The following CAP2 variants were observed in gnomAD, a reference collection of about 807,000 sequenced individuals.
CAP2 encodes the protein adenylyl cyclase-associated protein 2.
Under a neutral mutation model 57.7 loss-of-function variants are expected in CAP2, and 24 were observed. The ratio of observed to expected loss-of-function variants is 0.42; its 90% CI spans 0.30 to 0.58. CAP2 has a LOEUF of 0.58. Ranked by LOEUF, CAP2 falls within the 20% of genes least tolerant of loss-of-function variation. CAP2 has a pLI of 0.22. For synonymous variants in CAP2, 194 were observed against 207.2 expected (o/e 0.94, Z 0.55); for missense variants, 501 against 590.3 (o/e 0.85, Z 1.57).
At position 17,507,592 on chromosome 6, in the gene CAP2, T is replaced by G. The variant is rs772446004; in HGVS notation, c.445-49T>G. On this transcript the variant is annotated intron_variant, in intron 5 of 12. Transcript: ENST00000229922. ...CTTCTTTAAGGCATTTTCTTTCTTATCCTATTTTTTTTTCCTTCTATGCTT... is the reference window on the plus strand; with the variant it reads ...CTTCTTTAAGGCATTTTCTTTCTTAGCCTATTTTTTTTTCCTTCTATGCTT... 5 of 1,114,466 alleles carry G rather than the reference T, an allele frequency of 4.5e-6. No homozygotes were observed. In the Admixed American group the frequency reaches 8.9e-5, roughly 20 times the overall value. The allele number at this position is 1,114,466 out of a possible 1,614,324, so 69.0% of individuals were successfully genotyped here. A position where few individuals can be genotyped will look rare whatever the true frequency, so the allele number is the denominator to read the frequency against.
At chr6:17,433,297 C>G (rs1383212392) in intron 3 of CAP2, among the ~76,000 whole-genome samples, 1 of 152,236 alleles carries the variant, frequency 6.6e-6, no homozygotes, top group Non-Finnish European at 1.5e-5. Flanking sequence ...TCTTCTTGCT[C>G]TCTCCTTGTG....
chr6:17,445,010 T>A (rs4993729), intron 3 of CAP2, among the ~76,000 whole-genome samples: 75,137 of 152,006 alleles, frequency 0.49, 19,457 homozygotes, highest in East Asian at 0.84. Context: ...ACCTGAAAAT[T>A]CACCAATATA....
At chr6:17,428,414 A>G (rs1461402160) in intron 3 of CAP2, among the ~76,000 whole-genome samples, 3 of 152,158 alleles carry the variant, frequency 2.0e-5, no homozygotes, top group Non-Finnish European at 4.4e-5. Flanking sequence ...GTTTCTCACT[A>G]AGGATTGAAT....
intron 4 of CAP2, among the ~76,000 whole-genome samples, chr6:17,488,482 T>C (rs1351611165): frequency 6.6e-6 from 1 of 152,130 alleles, no homozygotes; most frequent in Non-Finnish European, 1.5e-5. Context: ...TTTGAATAGC[T>C]CAGGGCCAGG....
At chr6:17,458,898 A>AAAAG (rs948774566) in intron 3 of CAP2, among the ~76,000 whole-genome samples, 1 of 151,872 alleles carries the variant, frequency 6.6e-6, no homozygotes, top group African/African-American at 2.4e-5. Flanking sequence ...AAAAAAAAAA[A>AAAAG]AAAGAAAGAA....
chr6:17,427,655 C>A (rs1368720589), intron 3 of CAP2, among the ~76,000 whole-genome samples: 1 of 151,700 alleles, frequency 6.6e-6, no homozygotes, highest in African/African-American at 2.4e-5. Context: ...AATTTCACTT[C>A]TATGTATATC....
intron 1 of CAP2, among the ~76,000 whole-genome samples, chr6:17,399,771 G>T (rs886646043): frequency 3.3e-5 from 5 of 152,196 alleles, no homozygotes; most frequent in East Asian, 1.9e-4. Flanking sequence ...CAATATAGAA[G>T]TCTGATCTAA....
At chr6:17,530,261 A>G (rs941990314) in intron 7 of CAP2, among the ~76,000 whole-genome samples, 2 of 152,082 alleles carry the variant, frequency 1.3e-5, no homozygotes, top group Non-Finnish European at 2.9e-5. Context: ...TTTTACTTTT[A>G]GTAGAGACAG....
intron 4 of CAP2, among the ~76,000 whole-genome samples, chr6:17,476,933 G>T (rs1012719203): frequency 3.8e-5 from 5 of 132,938 alleles, no homozygotes; most frequent in Admixed American, 2.6e-4. Flanking sequence ...GTGCAGTGGC[G>T]CAATCTCGGC....
At position 17,531,427 on chromosome 6, in the gene CAP2, C is replaced by T. The variant is rs541188762; in HGVS notation, c.637-7842C>T. 7.4e-5 allele frequency: 118 copies of T among 1,590,168 alleles called. No individual in the cohort carries two copies. In the African/African-American group the frequency reaches 1.5e-3, roughly 20 times the overall value. ...TGCCAGCTTTTCTTGCCATCCTCGC[C>T]ATTTGAATTTCAGTTCTGTACATCT... On this transcript the variant is annotated intron_variant, in intron 7 of 12. Transcript: ENST00000229922.
At chr6:17,397,128 C>T (rs1010183254) in intron 1 of CAP2, among the ~76,000 whole-genome samples, 3 of 152,094 alleles carry the variant, frequency 2.0e-5, no homozygotes, top group African/African-American at 7.2e-5. Context: ...GGCACAGTCT[C>T]AGCTCACTAC....
chr6:17,506,780 C>T (rs150624735), intron 4 of CAP2, among the ~76,000 whole-genome samples: 50 of 152,254 alleles, frequency 3.3e-4, no homozygotes, highest in Non-Finnish European at 5.3e-4. Flanking sequence ...ACTAACCTTC[C>T]GGTCTTACCC....
At chr6:17,427,362 T>C (rs1274751528) in intron 3 of CAP2, among the ~76,000 whole-genome samples, 2 of 152,260 alleles carry the variant, frequency 1.3e-5, no homozygotes, top group East Asian at 3.9e-4. Flanking sequence ...GGCAGAGGAC[T>C]CAGGGCGATT....
At chr6:17,436,090 C>CTTTCTTTCTTTCT (rs1561782691) in intron 3 of CAP2, among the ~76,000 whole-genome samples, 10 of 64,018 alleles carry the variant, frequency 1.6e-4, no homozygotes, top group African/African-American at 3.0e-4. Flanking sequence ...TCTTTCTTTC[C>CTTTCTTTCTTTCT]TTCCTTCCTT....
chr6:17,553,407 G>A (rs1763218297), intron 12 of CAP2, among the ~76,000 whole-genome samples: 1 of 152,176 alleles, frequency 6.6e-6, no homozygotes, highest in Non-Finnish European at 1.5e-5. Flanking sequence ...GCCGAGGCGG[G>A]CAGATCACGA....
chr6:17,399,358 C>T (rs1758752270), intron 1 of CAP2, among the ~76,000 whole-genome samples: 1 of 152,162 alleles, frequency 6.6e-6, no homozygotes, highest in Non-Finnish European at 1.5e-5. Context: ...CCACCACGCC[C>T]GGCCTACATG....
At chr6:17,466,363 A>G (rs1053180113) in intron 4 of CAP2, among the ~76,000 whole-genome samples, 3 of 152,124 alleles carry the variant, frequency 2.0e-5, no homozygotes, top group African/African-American at 4.8e-5. Context: ...AGAGCTTCCA[A>G]TTCAGTAGGT....
intron 4 of CAP2, among the ~76,000 whole-genome samples, chr6:17,480,650 G>A (rs531009646): frequency 6.6e-6 from 1 of 152,126 alleles, no homozygotes; most frequent in South Asian, 2.1e-4. Context: ...GAGAAATTGC[G>A]CCTGACAAAT....
intron 3 of CAP2, among the ~76,000 whole-genome samples, chr6:17,432,315 C>T (rs980134313): frequency 6.6e-5 from 10 of 152,044 alleles, no homozygotes; most frequent in Admixed American, 1.3e-4. Flanking sequence ...TCCAGGATCC[C>T]CATCCCAAAA....
Sources: gnomAD v4.1 joint callset for allele counts (sites outside exome capture counted in the v4.1 genomes callset) on GRCh38, gnomAD v4.1.1 for gene constraint, MANE v1.5 for transcripts, NCBI Gene and HGNC (gene_info 2026-07-23, HGNC 2026-07-21) for gene names.